The following SIL1 variants were observed in gnomAD, a reference collection of about 807,000 sequenced individuals.
SIL1 encodes the protein SIL1 nucleotide exchange factor, also known as nucleotide exchange factor SIL1.
In SIL1, 40 loss-of-function variants were observed where a neutral mutation model predicts 49.1. The ratio of observed to expected loss-of-function variants is 0.81; its 90% confidence interval spans 0.63 to 1.06. The LOEUF is 1.06. SIL1 is among the 50% of genes least tolerant of loss of function. The probability of loss-of-function intolerance (pLI) is 0.00; values close to 1 mark genes in which losing one functional copy is unlikely to be tolerated. For missense variants in SIL1, 500 were observed against 572.6 expected (o/e 0.87, Z 1.29); for synonymous variants, 253 against 250.8 (o/e 1.01, Z -0.08).
At chr5:139,043,241 C>CA (rs1293670361) in intron 4 of SIL1, among the ~76,000 whole-genome samples, 1 of 152,202 alleles carries the variant, frequency 6.6e-6, no homozygotes, top group African/African-American at 2.4e-5. Flanking sequence ...CATCCACGAA[C>CA]AGAGGGCTCT....
chr5:139,169,898 A>G (rs868038838), intron 1 of SIL1, among the ~76,000 whole-genome samples: 7 of 91,592 alleles, frequency 7.6e-5, no homozygotes, highest in Non-Finnish European at 1.5e-4. Flanking sequence ...CTCTCTCCAC[A>G]GTCTCCCTCT....
intron 3 of SIL1, among the ~76,000 whole-genome samples, chr5:139,054,605 T>C (rs1769364728): frequency 6.6e-6 from 1 of 152,142 alleles, no homozygotes. Context: ...ATAAAAATAG[T>C]ATTTAAAATT....
At chr5:139,065,507 C>T (rs73267447) in intron 3 of SIL1, among the ~76,000 whole-genome samples, 3,846 of 152,326 alleles carry the variant, frequency 0.025, 142 homozygotes, top group African/African-American at 0.082. Flanking sequence ...CTTATAAAAG[C>T]AGCTACCCTG....
chr5:139,022,354 A>AGGATTGG (rs779636288), intron 6 of SIL1: 10 of 152,190 alleles, frequency 6.6e-5, no homozygotes, highest in Non-Finnish European at 1.2e-4. Context: ...ATCAAGTGTG[A>AGGATTGG]GGATTGGTAT....
intron 1 of SIL1, among the ~76,000 whole-genome samples, chr5:139,197,044 A>G (rs1752288373): frequency 6.6e-6 from 1 of 152,112 alleles, no homozygotes; most frequent in South Asian, 2.1e-4. Flanking sequence ...CGAGGTAGAC[A>G]GATCACCTGA....
chr5:139,027,043 A>C (rs1768673764), intron 5 of SIL1, 51 bp from the exon 6 acceptor site: 4 of 1,588,462 alleles, frequency 2.5e-6, no homozygotes, highest in Non-Finnish European at 3.5e-6. Flanking sequence ...CATCTGCCCA[A>C]GATGTCTGTG....
chr5:139,061,521 T>C (rs542709700), intron 3 of SIL1, among the ~76,000 whole-genome samples: 2 of 152,374 alleles, frequency 1.3e-5, no homozygotes, highest in South Asian at 4.1e-4. Context: ...GCTATCTTTG[T>C]TGGCTGGGTG....
chr5:139,086,297 A>AGAC (rs1770219604), intron 3 of SIL1, among the ~76,000 whole-genome samples: 2 of 150,974 alleles, frequency 1.3e-5, no homozygotes, highest in South Asian at 4.2e-4. Flanking sequence ...AAGAAGAAGA[A>AGAC]GAAGAAGCAA....
chr5:139,107,501 T>C (rs895882191), intron 3 of SIL1, among the ~76,000 whole-genome samples: 2 of 151,862 alleles, frequency 1.3e-5, no homozygotes, highest in Non-Finnish European at 3.0e-5. Flanking sequence ...TAAGAAATTA[T>C]ACAACAGTAG....
At chr5:139,181,874 A>C (rs956527446) in intron 1 of SIL1, among the ~76,000 whole-genome samples, 16 of 152,260 alleles carry the variant, frequency 1.1e-4, no homozygotes. Flanking sequence ...CTATTAAAGT[A>C]AAGGCAACCC....
chr5:139,125,892 A>G (rs192608502), intron 2 of SIL1, among the ~76,000 whole-genome samples: 313 of 152,294 alleles, frequency 2.1e-3, no homozygotes, highest in Non-Finnish European at 3.3e-3. Flanking sequence ...GGGAAGTACC[A>G]CAGCAGGAGC....
rs1462228352 is a variant in SIL1 at position 139,121,157 on chromosome 5, G to A, written c.122C>T (p.Thr41Ile). The A allele has an allele frequency of 6.2e-7, 1 of 1,614,130 alleles. No homozygotes were observed. The highest frequency in any genetic ancestry group is 1.1e-5 in the South Asian group (1 of 91,078). The change falls in exon 3 of 10, where the codon ACC becomes ATC. Residue 41 changes from threonine (T) to isoleucine (I), a missense_variant. Coordinates refer to ENST00000394817, the MANE Select transcript of SIL1 (RefSeq NM_022464.5). Reference sequence around the variant, plus strand: ...TTTGGTGCTGCTCTTCTCTGGGTTGGTCAGGGCAAACTCCTTCTGAGAAAA... The same window carrying A: ...TTTGGTGCTGCTCTTCTCTGGGTTGATCAGGGCAAACTCCTTCTGAGAAAA... The part of the protein sequence containing the change: ...SHQNLKEFAL[T>I]NPEKSSTKET...
rs369750441 is a variant in SIL1 at position 138,947,358 on chromosome 5, G to A, written c.1145C>T (p.Thr382Met). 9 of 1,613,564 alleles carry A rather than the reference G, an allele frequency of 5.6e-6. No homozygotes were observed. The highest frequency in any genetic ancestry group is 3.3e-5 in the Admixed American group (2 of 60,008). Reference protein sequence around the residue: ...GLWEQGWCEITAHLLALPEHD... With the variant: ...GLWEQGWCEIMAHLLALPEHD... ...CTCGGGCAGCGCCAGGAGGTGGGCC[G>A]TGATCTCGCACCAGCCCTGTTCCCA... is the stretch of plus-strand genomic sequence containing the variant. Residue 382 changes from threonine to methionine, a missense_variant, in exon 10 of 10, where the codon ACG becomes ATG. Thr to Met is a moderately conservative substitution (Grantham distance 81). Coordinates refer to ENST00000394817, the MANE Select transcript of SIL1 (RefSeq NM_022464.5). This position sits in a 1 kb window ranked among gnomAD's most constrained non-coding sequence, Gnocchi z 4.1.
intron 3 of SIL1, among the ~76,000 whole-genome samples, chr5:139,102,341 T>C (rs929807865): frequency 2.0e-5 from 3 of 152,162 alleles, no homozygotes; most frequent in African/African-American, 7.2e-5. Context: ...TGCAAACAAC[T>C]GGAAGAACAC....
chr5:139,153,367 T>C (rs1751346265), intron 1 of SIL1, among the ~76,000 whole-genome samples: 1 of 152,236 alleles, frequency 6.6e-6, no homozygotes. Context: ...AGCATTATTA[T>C]ACTTTCTTAT....
intron 7 of SIL1, among the ~76,000 whole-genome samples, chr5:138,990,757 T>A (rs1767738006): frequency 1.3e-5 from 2 of 152,022 alleles, no homozygotes; most frequent in South Asian, 4.2e-4. Flanking sequence ...CGTGACAGAG[T>A]CTTGCTGAAG....
intron 3 of SIL1, among the ~76,000 whole-genome samples, chr5:139,103,817 T>C (rs1157661380): frequency 1.3e-5 from 2 of 152,158 alleles, no homozygotes; most frequent in Non-Finnish European, 2.9e-5. Flanking sequence ...TTATGGACCA[T>C]GGGAAAGTTA....
intron 6 of SIL1, chr5:139,022,520 T>TCAATGAA (rs1426997002): frequency 6.6e-6 from 1 of 152,166 alleles, no homozygotes; most frequent in Non-Finnish European, 1.5e-5. Context: ...GAGCATATGG[T>TCAATGAA]TAGGTGTTCA....
At chr5:139,068,032 G>A (rs1173993186) in intron 3 of SIL1, among the ~76,000 whole-genome samples, 1 of 152,166 alleles carries the variant, frequency 6.6e-6, no homozygotes, top group Non-Finnish European at 1.5e-5. Flanking sequence ...AGGGAGCTTT[G>A]TACTGACATA....
Sources: gnomAD v4.1 joint callset for allele counts (sites outside exome capture counted in the v4.1 genomes callset) on GRCh38, gnomAD v4.1.1 for gene constraint, Gnocchi (gnomAD v3.1) non-coding constraint, MANE v1.5 for transcripts, NCBI Gene and HGNC (gene_info 2026-07-23, HGNC 2026-07-21) for gene names.